The following TENM3 variants were observed in gnomAD, a reference collection of about 807,000 sequenced individuals.
TENM3 encodes the protein teneurin transmembrane protein 3, also known as teneurin-3.
A neutral mutation model predicts 255.1 loss-of-function variants in TENM3; 63 were observed. The ratio of observed to expected loss-of-function variants is 0.25; its 90% confidence interval spans 0.20 to 0.30. The LOEUF (loss-of-function observed/expected upper bound fraction) is 0.30. TENM3 is among the 10% of genes least tolerant of loss of function. The pLI, the probability that TENM3 is intolerant of heterozygous loss-of-function variation, is 1.00. For missense variants in TENM3, 2,929 were observed against 3,461.1 expected, an observed-to-expected ratio of 0.85 and a Z score of 3.86; for synonymous variants, 1,306 against 1,322.3, an observed-to-expected ratio of 0.99 and a Z score of 0.27.
chr4:181,839,381 A>C, the TENM3 span, among the ~76,000 whole-genome samples: 2 of 51,408 alleles, frequency 3.9e-5, no homozygotes, highest in African/African-American at 6.5e-5. Flanking sequence ...ATATATATAT[A>C]TATACACCTA....
chr4:181,823,935 G>C, the TENM3 span, among the ~76,000 whole-genome samples: 7 of 151,980 alleles, frequency 4.6e-5, no homozygotes, highest in African/African-American at 7.3e-5. Context: ...TTAATCAAAG[G>C]CTTTTGAAGT....
At position 182,688,215 on chromosome 4, in the gene TENM3, G is replaced by A. The variant is rs761720913; in HGVS notation, c.2085G>A (p.Thr695=). 5.0e-6 allele frequency: 8 copies of A among 1,613,686 alleles called. No homozygotes were observed. Among genetic ancestry groups the A allele is most frequent in the South Asian group, 2.2e-5 (2 of 91,048 alleles). The change falls in exon 12 of 28, where the codon ACG becomes ACA. Residue 695 remains threonine (T), a synonymous_variant. Transcript: ENST00000511685. ...CACACGGCGTTTGCATGGGGGGGACGTGTCGCTGTGAAGAAGGCTGGACGG... is the reference window on the plus strand; with the variant it reads ...CACACGGCGTTTGCATGGGGGGGACATGTCGCTGTGAAGAAGGCTGGACGG... ...CGSHGVCMGG[T]CRCEEGWTGP...
chr4:182,626,535 A>T (rs190800882), intron 4 of TENM3, among the ~76,000 whole-genome samples: 1 of 152,262 alleles, frequency 6.6e-6, no homozygotes, highest in East Asian at 1.9e-4. Context: ...CTTTTTACAG[A>T]TGATAAAACC....
At chr4:181,553,345 C>G in the TENM3 span, among the ~76,000 whole-genome samples, 1 of 151,236 alleles carries the variant, frequency 6.6e-6, no homozygotes. Flanking sequence ...TACACACACA[C>G]ACACACATAT....
chr4:182,545,161 C>G (rs1481799232), intron 3 of TENM3, among the ~76,000 whole-genome samples: 1 of 152,050 alleles, frequency 6.6e-6, no homozygotes, highest in African/African-American at 2.4e-5. Flanking sequence ...AATTACAGAG[C>G]TATGAGTCTA....
chr4:182,230,752 T>C (rs1443019209), intron 1 of TENM3, among the ~76,000 whole-genome samples: 1 of 149,294 alleles, frequency 6.7e-6, no homozygotes, highest in Non-Finnish European at 1.5e-5. Context: ...GTTTGTATTC[T>C]TTTAATTTTT....
At chr4:181,480,888 A>G in the TENM3 span, among the ~76,000 whole-genome samples, 2 of 150,904 alleles carry the variant, frequency 1.3e-5, no homozygotes, top group Admixed American at 6.6e-5. Flanking sequence ...TATATGAATG[A>G]TAAGGTTGAA....
the TENM3 span, among the ~76,000 whole-genome samples, chr4:181,622,133 T>G: frequency 2.0e-5 from 3 of 152,160 alleles, no homozygotes; most frequent in Non-Finnish European, 2.9e-5. Flanking sequence ...GATAGTGATT[T>G]CTCTGTATTA....
chr4:181,625,845 A>T, the TENM3 span, among the ~76,000 whole-genome samples: 2 of 151,780 alleles, frequency 1.3e-5, no homozygotes, highest in Non-Finnish European at 2.9e-5. Context: ...CAATAATAAT[A>T]ATAATATTGT....
intron 13 of TENM3, among the ~76,000 whole-genome samples, chr4:182,715,092 C>T (rs1759050205): frequency 6.6e-6 from 1 of 152,192 alleles, no homozygotes; most frequent in African/African-American, 2.4e-5. Context: ...CCATGTTGGT[C>T]AGGCTGGTCC....
chr4:181,553,072 G>C, the TENM3 span, among the ~76,000 whole-genome samples: 6 of 152,086 alleles, frequency 3.9e-5, no homozygotes, highest in African/African-American at 1.4e-4. Flanking sequence ...AAAATCACTT[G>C]ATATGGGGCT....
chr4:182,074,900 C>G, the TENM3 span, among the ~76,000 whole-genome samples: 41 of 152,238 alleles, frequency 2.7e-4, no homozygotes, highest in Non-Finnish European at 5.4e-4. Context: ...GAGATCAGGG[C>G]AGGACAAGAA....
At chr4:182,403,436 A>G (rs1769337640) in intron 3 of TENM3, among the ~76,000 whole-genome samples, 1 of 152,362 alleles carries the variant, frequency 6.6e-6, no homozygotes, top group Non-Finnish European at 1.5e-5. Context: ...AACTCTAAGT[A>G]CAAATGCAAG....
chr4:182,615,251 AC>A (rs1749390534), intron 4 of TENM3, among the ~76,000 whole-genome samples: 2 of 151,598 alleles, frequency 1.3e-5, no homozygotes, highest in Non-Finnish European at 2.9e-5. Context: ...AAATTTTCAT[AC>A]AGGTAATAAG....
the TENM3 span, among the ~76,000 whole-genome samples, chr4:181,672,131 G>A: frequency 6.6e-6 from 1 of 152,154 alleles, no homozygotes. Flanking sequence ...TAAAAACGCT[G>A]TGATAGTCTG....
the TENM3 span, among the ~76,000 whole-genome samples, chr4:181,570,805 C>G: frequency 0.093 from 14,111 of 152,098 alleles, 926 homozygotes; most frequent in African/African-American, 0.2. Context: ...ATCTGCAAGA[C>G]ATTTACTGGA....
At chr4:182,334,483 T>G (rs1516536) in intron 2 of TENM3, among the ~76,000 whole-genome samples, 107,595 of 151,918 alleles carry the variant, frequency 0.71, 38,306 homozygotes, top group Admixed American at 0.82. Flanking sequence ...TTTTCAAATT[T>G]CTGGAAATAG....
At chr4:181,807,025 T>G in the TENM3 span, among the ~76,000 whole-genome samples, 2 of 152,210 alleles carry the variant, frequency 1.3e-5, no homozygotes, top group East Asian at 3.9e-4. Flanking sequence ...CAAATGCTCC[T>G]CCTTCACCAG....
rs76754407 is a variant in TENM3, at chr4:182,796,692, A to T, written c.7269A>T (p.Gly2423=). The change falls in exon 27 of 28, where the codon GGA becomes GGT. Residue 2423 remains glycine, a synonymous_variant. Coordinates refer to ENST00000511685, the MANE Select transcript of TENM3 (RefSeq NM_001080477.4). ...FGFHLHNAIP[G]FPVPKFDLTE... ...TCCATCTGCACAATGCTATTCCTGG[A>T]TTCCCTGTTCCCAAATTTGATTTAA... The T allele has an allele frequency of 2.4e-4, 381 of 1,613,202 alleles. 2 individuals are homozygous for T. In the East Asian group the frequency reaches 7.5e-3, roughly 32 times the overall value.
Sources: allele counts gnomAD v4.1 joint callset (sites outside exome capture counted in the v4.1 genomes callset), GRCh38; gene constraint gnomAD v4.1.1; transcripts MANE v1.5; gene names NCBI Gene and HGNC (gene_info 2026-07-23, HGNC 2026-07-21).